The following CD163L1 variants were observed in gnomAD, a reference collection of about 807,000 sequenced individuals.
CD163L1 encodes scavenger receptor cysteine-rich type 1 protein M160.
A neutral mutation model predicts 165.4 loss-of-function variants in CD163L1; 124 were observed. The observed-to-expected ratio is 0.75, with a 90% confidence interval of 0.65 to 0.87. The LOEUF (loss-of-function observed/expected upper bound fraction) is 0.87. Among genes scored for constraint, CD163L1 ranks in the 40% least tolerant of loss-of-function variants. CD163L1 has a pLI of 0.00. For missense variants in CD163L1, 1,525 were observed against 1,799.9 expected (o/e 0.85, Z 2.76); for synonymous variants, 585 against 662.2 (o/e 0.88, Z 1.79).
chr12:7,366,193 A>C (rs905802456), intron 18 of CD163L1, among the ~76,000 whole-genome samples: 2 of 152,266 alleles, frequency 1.3e-5, no homozygotes, highest in African/African-American at 2.4e-5. Flanking sequence ...GGAGCTAAAA[A>C]TGTTGATACC....
At chr12:7,343,421 G>C (rs1258315997), downstream of CD163L1, among the ~76,000 whole-genome samples, 2 of 152,176 alleles carry the variant, frequency 1.3e-5, no homozygotes, top group Non-Finnish European at 2.9e-5. Flanking sequence ...ATAAAGAAAA[G>C]AGATTTAATT....
At chr12:7,442,837 A>G (rs1169612838) in intron 1 of CD163L1, among the ~76,000 whole-genome samples, 3 of 152,236 alleles carry the variant, frequency 2.0e-5, no homozygotes, top group African/African-American at 7.2e-5. Context: ...AACTATAAAG[A>G]AAAAAGAATA....
chr12:7,336,034 A>C, the CD163L1 span, among the ~76,000 whole-genome samples: 28 of 142,470 alleles, frequency 2.0e-4, no homozygotes, highest in Admixed American at 6.5e-4. Flanking sequence ...ATGTGGAGAA[A>C]TAGGAACACT....
rs950924808 is a variant in CD163L1, at chr12:7,369,220, C to T, written c.4039+137G>A. The T allele has an allele frequency of 2.5e-5, 26 of 1,020,428 alleles. No homozygotes were observed. The highest frequency in any genetic ancestry group is 6.5e-4 in the Middle Eastern group (2 of 3,072). 63.2% of individuals were successfully genotyped at this position (1,020,428 alleles called of 1,614,324 possible). A position where few individuals can be genotyped will look rare whatever the true frequency, so the allele number is the denominator to read the frequency against. ...ATTATCTTATTTAGTTGTGGAAAAA[C>T]GTTAGTTTAACATAGCCTTTCATTC... On this transcript the variant is annotated intron_variant, in intron 15 of 19. Coordinates refer to ENST00000313599, the MANE Select transcript of CD163L1 (RefSeq NM_174941.6). The surrounding 1 kb of genome is among the most constrained non-coding windows in gnomAD (Gnocchi z 4.9).
At chr12:7,345,927 A>G (rs1354059143), downstream of CD163L1, among the ~76,000 whole-genome samples, 2 of 152,148 alleles carry the variant, frequency 1.3e-5, no homozygotes, top group South Asian at 2.1e-4. Flanking sequence ...TTAAAGAACC[A>G]TATATTGGGA....
intron 19 of CD163L1, 116 bp from the exon 20 acceptor site, chr12:7,355,246 C>G (rs1295015063): frequency 6.6e-6 from 1 of 151,966 alleles, no homozygotes; most frequent in African/African-American, 2.4e-5. Flanking sequence ...CACACACAAC[C>G]CACAAAGAAT....
At chr12:7,323,637 T>C in the CD163L1 span, 1 of 1,304,400 alleles carries the variant, frequency 7.7e-7, no homozygotes, top group Middle Eastern at 1.8e-4. Context: ...TCTTGCTATG[T>C]AATCTTGGGC....
At chr12:7,388,713 C>A (rs1219919689) in intron 8 of CD163L1, among the ~76,000 whole-genome samples, 1 of 142,324 alleles carries the variant, frequency 7.0e-6, no homozygotes, top group Admixed American at 7.3e-5. Flanking sequence ...CACTCCACCC[C>A]AGCCTGGACA....
At chr12:7,421,614 T>TATAC (rs1948429940) in intron 4 of CD163L1, among the ~76,000 whole-genome samples, 1 of 2,816 alleles carries the variant, frequency 3.6e-4, no homozygotes, top group African/African-American at 5.5e-4. Context: ...CACATATACA[T>TATAC]ATATGTACAT....
At chr12:7,392,147 A>C (rs1189181620) in intron 8 of CD163L1, among the ~76,000 whole-genome samples, 1 of 152,208 alleles carries the variant, frequency 6.6e-6, no homozygotes, top group African/African-American at 2.4e-5. Flanking sequence ...GATCACACTT[A>C]TTCTAAAATT....
At chr12:7,423,391 T>C (rs1051925752) in intron 4 of CD163L1, among the ~76,000 whole-genome samples, 1 of 151,992 alleles carries the variant, frequency 6.6e-6, no homozygotes, top group African/African-American at 2.4e-5. Flanking sequence ...AGATCTAAAA[T>C]TGACACCCTA....
the CD163L1 span, among the ~76,000 whole-genome samples, chr12:7,339,080 G>A: frequency 6.6e-6 from 1 of 152,112 alleles, no homozygotes; most frequent in East Asian, 1.9e-4. Flanking sequence ...TGAAGAGAGG[G>A]CAAGATACCT....
chr12:7,322,452 G>A, the CD163L1 span: 26 of 1,613,728 alleles, frequency 1.6e-5, no homozygotes, highest in East Asian at 4.5e-5. Context: ...CTGCTTGACC[G>A]GAGGGGAGCC....
chr12:7,403,189 A>G (rs1275167828), intron 6 of CD163L1, among the ~76,000 whole-genome samples: 2 of 114,500 alleles, frequency 1.7e-5, no homozygotes, highest in East Asian at 2.9e-4. Flanking sequence ...AACAATGTAT[A>G]TTATTAAATA....
intron 19 of CD163L1, among the ~76,000 whole-genome samples, chr12:7,355,801 A>T (rs982857866): frequency 6.6e-6 from 1 of 152,148 alleles, no homozygotes; most frequent in Admixed American, 6.6e-5. Flanking sequence ...TGACCATCTG[A>T]GGGCATAACA....
the CD163L1 span, chr12:7,320,870 C>A: frequency 7.4e-7 from 1 of 1,358,770 alleles, no homozygotes; most frequent in Non-Finnish European, 1.0e-6. Context: ...ACAGATCTCT[C>A]TTTTTCAGCA....
Position 7,432,492 on chromosome 12 carries a change from T to C in CD163L1, c.690A>G (p.Ala230=), listed in dbSNP as rs754918374. The C allele has an allele frequency of 2.5e-6, 4 of 1,613,980 alleles. No homozygotes were observed. Among genetic ancestry groups the C allele is most frequent in the South Asian group, 1.1e-5 (1 of 91,076 alleles). Residue 230 remains alanine (A), a synonymous_variant, in exon 4 of 20, where the codon GCA becomes GCG. Transcript: ENST00000313599. The surrounding 1 kb of genome is among the most constrained non-coding windows in gnomAD (Gnocchi z 4.2). Reference sequence around the variant, plus strand: ...ATCCACGATGTCTGCAATTCCAGAGTGCCAACTCATTCCCCTGGCATAAAA... The same window carrying C: ...ATCCACGATGTCTGCAATTCCAGAGCGCCAACTCATTCCCCTGGCATAAAA... ...DDILCQGNEL[A]LWNCRHRGWG...
At chr12:7,324,139 G>C in the CD163L1 span, 347 of 1,077,578 alleles carry the variant, frequency 3.2e-4, 2 homozygotes, top group South Asian at 3.9e-3. Flanking sequence ...CTAGGCAACA[G>C]AGAGAGACTC....
At chr12:7,360,847 T>C (rs1453793323) in intron 18 of CD163L1, among the ~76,000 whole-genome samples, 1 of 152,162 alleles carries the variant, frequency 6.6e-6, no homozygotes, top group Non-Finnish European at 1.5e-5. Flanking sequence ...TGTTTGTATG[T>C]TGGATAATTT....
Sources: gnomAD v4.1 joint callset for allele counts (sites outside exome capture counted in the v4.1 genomes callset) on GRCh38, gnomAD v4.1.1 for gene constraint, Gnocchi (gnomAD v3.1) non-coding constraint, MANE v1.5 for transcripts, NCBI Gene and HGNC (gene_info 2026-07-23, HGNC 2026-07-21) for gene names.